TMEM131: variants seen among roughly 807,000 people sequenced by gnomAD.
The protein encoded by TMEM131 is 2610524E03Rik.
A neutral mutation model predicts 211.6 loss-of-function variants in TMEM131; 66 were observed. The ratio of observed to expected loss-of-function variants is 0.31; its 90% confidence interval spans 0.26 to 0.38. The LOEUF (loss-of-function observed/expected upper bound fraction) is 0.38. Ranked by LOEUF, TMEM131 falls within the 10% of genes least tolerant of loss-of-function variation. The pLI is 1.00. For synonymous variants in TMEM131, 844 were observed against 841.3 expected, an observed-to-expected ratio of 1.00 and a Z score of -0.06; for missense variants, 2,036 against 2,299.3, an observed-to-expected ratio of 0.89 and a Z score of 2.34.
At chr2:97,921,921 G>A (rs1466303285) in intron 2 of TMEM131, among the ~76,000 whole-genome samples, 2 of 152,162 alleles carry the variant, frequency 1.3e-5, no homozygotes, top group Admixed American at 6.5e-5. Context: ...TGTTGCAGAG[G>A]AATTCCTGAT....
At chr2:97,937,228 C>T (rs1230586017) in intron 1 of TMEM131, among the ~76,000 whole-genome samples, 1 of 151,998 alleles carries the variant, frequency 6.6e-6, no homozygotes, top group Non-Finnish European at 1.5e-5. Context: ...GAGAAAGAAA[C>T]TGGAAAAAAC....
intron 5 of TMEM131, among the ~76,000 whole-genome samples, chr2:97,845,490 C>A (rs11690737): frequency 6.6e-6 from 1 of 151,846 alleles, no homozygotes; most frequent in African/African-American, 2.4e-5. Flanking sequence ...AAATAAGCCA[C>A]GGGTGAAATG....
intron 28 of TMEM131, among the ~76,000 whole-genome samples, chr2:97,795,398 CCTT>C (rs912216274): frequency 2.0e-5 from 3 of 152,160 alleles, no homozygotes; most frequent in African/African-American, 7.2e-5. Flanking sequence ...GTCCTTCTCT[CCTT>C]CTTTCTTCTT....
At chr2:97,880,148 C>G (rs1674864952) in intron 4 of TMEM131, among the ~76,000 whole-genome samples, 1 of 152,054 alleles carries the variant, frequency 6.6e-6, no homozygotes, top group Non-Finnish European at 1.5e-5. Flanking sequence ...AAAAAACTAT[C>G]TTTAGAGGGG....
chr2:97,763,127 C>G (rs1020296411), intron 35 of TMEM131: 6 of 152,344 alleles, frequency 3.9e-5, no homozygotes, highest in Admixed American at 2.0e-4. Flanking sequence ...CTGAGTACCC[C>G]CGGCTCCACT....
At chr2:97,793,616 C>T (rs879467592) in intron 29 of TMEM131, 63 bp from the exon 30 acceptor site, 9 of 1,474,908 alleles carry the variant, frequency 6.1e-6, no homozygotes, top group Non-Finnish European at 8.3e-6. Flanking sequence ...CAACAAAATT[C>T]GATGTTAAAG....
At chr2:97,830,265 A>G (rs571772488) in intron 11 of TMEM131, among the ~76,000 whole-genome samples, 3 of 152,276 alleles carry the variant, frequency 2.0e-5, no homozygotes, top group Non-Finnish European at 4.4e-5. Flanking sequence ...TTAAATGACA[A>G]CTCATACACA....
intron 1 of TMEM131, among the ~76,000 whole-genome samples, chr2:97,943,101 G>GAAAGAAAGAA (rs1553617928): frequency 6.7e-6 from 1 of 149,424 alleles, no homozygotes; most frequent in African/African-American, 2.5e-5. Flanking sequence ...AAGAAAGAAA[G>GAAAGAAAGAA]AGCTGGGTGT....
At chr2:97,807,740 A>C (rs1681377020) in intron 19 of TMEM131, among the ~76,000 whole-genome samples, 2 of 152,186 alleles carry the variant, frequency 1.3e-5, no homozygotes, top group Admixed American at 6.5e-5. Context: ...TCTGAACTGA[A>C]CTTTTCCCTG....
chr2:97,961,853 G>A (rs1397737341), intron 1 of TMEM131, among the ~76,000 whole-genome samples: 2 of 152,132 alleles, frequency 1.3e-5, no homozygotes, highest in African/African-American at 2.4e-5. Context: ...TGAACTTACG[G>A]GAAATTGTAG....
chr2:97,902,166 A>C (rs950728409), intron 3 of TMEM131, among the ~76,000 whole-genome samples: 4 of 152,200 alleles, frequency 2.6e-5, no homozygotes, highest in African/African-American at 9.6e-5. Flanking sequence ...TTTAAAATGT[A>C]CAACACAGAT....
At position 97,792,929 on chromosome 2, in the gene TMEM131, C is replaced by A; in HGVS notation, c.3601G>T (p.Gly1201Cys). ...CCGGCACTGGGTCGGGATGATGAAC[C>A]GCCTGCTCCACAGAACCCCCTACTG... ...GHSRGFCGAGGSSSRPSAGSH... is the reference protein window; with the variant it reads ...GHSRGFCGAGCSSSRPSAGSH... The change falls in exon 31 of 41, where the codon GGT becomes TGT. Residue 1201 changes from glycine to cysteine, a missense_variant. Around this residue, in one of 3 missense-constraint regions of TMEM131, gnomAD observed 1,623 missense variants for 1,805.9 expected, o/e 0.90. Coordinates refer to ENST00000186436, the MANE Select transcript of TMEM131 (RefSeq NM_015348.2). 6.2e-7 allele frequency: 1 copy of A among 1,610,626 alleles called. No homozygotes were observed. The highest frequency in any genetic ancestry group is 1.1e-5 in the South Asian group (1 of 90,660).
intron 1 of TMEM131, among the ~76,000 whole-genome samples, chr2:97,952,203 G>A (rs1226768292): frequency 6.6e-6 from 1 of 150,796 alleles, no homozygotes; most frequent in Admixed American, 6.6e-5. Flanking sequence ...TGCAGAAAAA[G>A]TAGGCTGAAA....
intron 31 of TMEM131, among the ~76,000 whole-genome samples, chr2:97,782,534 TGAGA>T (rs1206308160): frequency 6.6e-6 from 1 of 151,414 alleles, no homozygotes; most frequent in Admixed American, 6.6e-5. Context: ...AACACCAAGA[TGAGA>T]GAGATGTTGA....
intron 1 of TMEM131, among the ~76,000 whole-genome samples, chr2:97,929,736 T>C (rs187965228): frequency 1.3e-5 from 2 of 151,950 alleles, no homozygotes; most frequent in Admixed American, 1.3e-4. Flanking sequence ...GTCTGTGGCA[T>C]ATAGAGAATA....
intron 1 of TMEM131, among the ~76,000 whole-genome samples, chr2:97,994,196 T>C (rs1185007802): frequency 6.6e-6 from 1 of 152,210 alleles, no homozygotes; most frequent in Admixed American, 6.5e-5. Flanking sequence ...CTCAACTAAC[T>C]GCAGATCTGT....
intron 2 of TMEM131, among the ~76,000 whole-genome samples, chr2:97,925,324 T>C (rs1264400702): frequency 6.6e-6 from 1 of 152,178 alleles, no homozygotes; most frequent in Admixed American, 6.5e-5. Flanking sequence ...TCAGTTAGGA[T>C]GGGAATGATG....
intron 2 of TMEM131, among the ~76,000 whole-genome samples, chr2:97,918,843 C>T (rs1017244537): frequency 1.7e-5 from 1 of 58,714 alleles, no homozygotes; most frequent in South Asian, 2.4e-4. Context: ...TAAGGTTTAG[C>T]GGCTTAAAAC....
chr2:97,792,330 C>T, intron 31 of TMEM131, 56 bp downstream of exon 31: 1 of 1,384,176 alleles, frequency 7.2e-7, no homozygotes, highest in African/African-American at 1.4e-5. Flanking sequence ...GCTCCTTAAG[C>T]ACGCACTGGC....
Sources: allele counts gnomAD v4.1 joint callset (sites outside exome capture counted in the v4.1 genomes callset), GRCh38; gene constraint gnomAD v4.1.1; regional missense constraint gnomAD v4.1.1; transcripts MANE v1.5; gene names NCBI Gene and HGNC (gene_info 2026-07-23, HGNC 2026-07-21).